The following CLCN7 variants were observed in gnomAD, a reference collection of about 807,000 sequenced individuals.
The protein encoded by CLCN7 is H(+)/Cl(-) exchange transporter 7.
Under a neutral mutation model 102.1 loss-of-function variants are expected in CLCN7, and 60 were observed. That is an observed-to-expected ratio of 0.59 (90% CI 0.48 to 0.73). CLCN7 has a LOEUF of 0.73. CLCN7 is among the 30% of genes least tolerant of loss of function. The probability of loss-of-function intolerance (pLI) is 0.00; values close to 1 mark genes in which losing one functional copy is unlikely to be tolerated. For missense variants in CLCN7, 962 were observed against 1,125.7 expected (o/e 0.85, Z 2.08); for synonymous variants, 560 against 490.5 (o/e 1.14, Z -1.87).
At chr16:1,464,048 C>A (rs2038972844) in intron 2 of CLCN7, among the ~76,000 whole-genome samples, 1 of 152,074 alleles carries the variant, frequency 6.6e-6, no homozygotes, top group Non-Finnish European at 1.5e-5. Context: ...GGATTACAGG[C>A]ACGAATCACC....
At chr16:1,449,573 G>A (rs2038709925) in intron 17 of CLCN7, 2 of 589,626 alleles carry the variant, frequency 3.4e-6, no homozygotes, top group Non-Finnish European at 6.1e-6. Context: ...GATGCAGAGG[G>A]CACAGTCACC....
chr16:1,457,879 G>T lies in CLCN7; in HGVS notation c.676-123C>A, dbSNP rs188506937. The T allele has an allele frequency of 4.2e-6, 4 of 944,126 alleles. No individual in the cohort carries two copies. The highest frequency in any genetic ancestry group is 5.0e-6 in the Non-Finnish European group (3 of 598,348). The allele number at this position is 944,126 out of a possible 1,614,324, so 58.5% of individuals were successfully genotyped here. A position where few individuals can be genotyped will look rare whatever the true frequency, so the allele number is the denominator to read the frequency against. The stretch of plus-strand genomic sequence containing the variant: ...TGGCTGGGACACGGGGCCTCCGGGA[G>T]GGGGCCAGCACCCCCAGGCTGGGTC... On this transcript the variant is annotated intron_variant, in intron 7 of 24. Transcript: ENST00000382745. This position sits in a 1 kb window ranked among gnomAD's most constrained non-coding sequence, Gnocchi z 5.4.
rs760518241 is a variant in CLCN7 at position 1,465,249 on chromosome 16, G to A, written c.213+18C>T. On this transcript the variant is annotated intron_variant, in intron 2 of 24. Transcript: ENST00000382745. ...TGCAGCTAGCTCTGCGGGAGGACGG[G>A]GAACACCCCCAACTCACCGGGTCCA... is the stretch of plus-strand genomic sequence containing the variant. The A allele has an allele frequency of 2.7e-5, 44 of 1,611,072 alleles. No individual in the cohort carries two copies. In the East Asian group the frequency reaches 7.4e-4, roughly 27 times the overall value.
intron 17 of CLCN7, chr16:1,449,709 A>C: frequency 3.4e-6 from 1 of 293,166 alleles, no homozygotes; most frequent in Non-Finnish European, 6.5e-6. Context: ...AGGCTGCAGA[A>C]AGCGGGGCAC....
chr16:1,459,221 G>C, intron 6 of CLCN7, 34 bp from the exon 7 acceptor site: 1 of 1,592,798 alleles, frequency 6.3e-7, no homozygotes, highest in Non-Finnish European at 8.6e-7. Context: ...AGTGGGTCAC[G>C]GCCAGGCTGA....
rs2038858296 is a variant in CLCN7 at position 1,457,684 on chromosome 16, A to G, written c.738+10T>C. ...GGCTCCAGCTGGAGTGGCCATGTGCACTTTGTTACCTTTCCCACGGCCAGG... is the reference window on the plus strand; with the variant it reads ...GGCTCCAGCTGGAGTGGCCATGTGCGCTTTGTTACCTTTCCCACGGCCAGG... On this transcript the variant is annotated intron_variant, in intron 8 of 24. Transcript: ENST00000382745. The surrounding 1 kb of genome is among the most constrained non-coding windows in gnomAD (Gnocchi z 5.4). 1 of 1,613,500 alleles carries G rather than the reference A, an allele frequency of 6.2e-7. No homozygotes were observed. The highest frequency in any genetic ancestry group is 8.5e-7 in the Non-Finnish European group (1 of 1,179,970).
At chr16:1,461,283 A>T (rs2038931581) in intron 4 of CLCN7, 122 bp downstream of exon 4, 8 of 883,038 alleles carry the variant, frequency 9.1e-6, no homozygotes, top group Non-Finnish European at 1.4e-5. Context: ...CAGGCCTCAG[A>T]GGCGGAGTCA....
chr16:1,461,346 GC>G (rs1378040141), intron 4 of CLCN7, 58 bp downstream of exon 4: 3 of 1,448,086 alleles, frequency 2.1e-6, no homozygotes, highest in Non-Finnish European at 2.8e-6. Context: ...GCAGCCCCAG[GC>G]CCGGCCGGCA....
At position 1,446,725 on chromosome 16, in the gene CLCN7, A is replaced by G. The variant is rs754977670; in HGVS notation, c.2332-8T>C. On this transcript the variant is annotated splice_region_variant and splice_polypyrimidine_tract_variant and intron_variant, in intron 24 of 24. Coordinates refer to ENST00000382745, the MANE Select transcript of CLCN7 (RefSeq NM_001287.6). ...GGTCACCAACCCGACAACCTGCAGG[A>G]CAAGTCCAGGCCACAGTGACACACG... The G allele has an allele frequency of 4.2e-5, 66 of 1,575,686 alleles. No individual in the cohort carries two copies. The Middle Eastern group carries it at 5.0e-4, about 12-fold the overall frequency.
Position 1,457,310 on chromosome 16 carries a change from C to T in CLCN7, c.766G>A (p.Val256Met), listed in dbSNP as rs200451681. 3 of 1,614,022 alleles carry T rather than the reference C, an allele frequency of 1.9e-6. No individual in the cohort carries two copies. The highest frequency in any genetic ancestry group is 2.2e-5 in the East Asian group (1 of 44,876). The change falls in exon 9 of 25, where the codon GTG becomes ATG. Residue 256 changes from valine (V) to methionine (M), a missense_variant. Transcript: ENST00000382745. The surrounding 1 kb of genome is among the most constrained non-coding windows in gnomAD (Gnocchi z 5.4). ...CCCTGAGAGATCCCGGCGGCAATCA[C>T]TGAACCTGAGTGGATCATCGGCCCT... ...KEGPMIHSGS[V>M]IAAGISQGRS... is the part of the protein sequence containing the mutation.
intron 1 of CLCN7, 146 bp from the exon 2 acceptor site, chr16:1,465,484 G>C: frequency 1.3e-6 from 1 of 748,782 alleles, no homozygotes; most frequent in Admixed American, 2.0e-5. Flanking sequence ...TGCTGGGTGG[G>C]GGCAGCAGGG....
intron 1 of CLCN7, among the ~76,000 whole-genome samples, chr16:1,472,244 A>ATT (rs1384376106): frequency 3.9e-5 from 6 of 152,134 alleles, no homozygotes; most frequent in African/African-American, 1.4e-4. Context: ...TAGTTTTTTT[A>ATT]TTTTTATTTT....
chr16:1,472,262 G>C (rs1019187391), intron 1 of CLCN7, among the ~76,000 whole-genome samples: 2 of 152,180 alleles, frequency 1.3e-5, no homozygotes, highest in African/African-American at 4.8e-5. Flanking sequence ...TTTTGAGATG[G>C]AGTTTTGTTC....
rs549659426 is a variant in CLCN7, at chr16:1,457,773, C to T, written c.676-17G>A. 3.2e-5 allele frequency: 51 copies of T among 1,612,872 alleles called. No homozygotes were observed. In the East Asian group the frequency reaches 3.8e-4, roughly 12 times the overall value. ...CACCAACGTCTGAAACACAGGGAGA[C>T]GCATGGCCTCTGATGAAAAGGCAGG... is the stretch of plus-strand genomic sequence containing the variant. On this transcript the variant is annotated splice_polypyrimidine_tract_variant and intron_variant, in intron 7 of 24. Transcript: ENST00000382745. This position sits in a 1 kb window ranked among gnomAD's most constrained non-coding sequence, Gnocchi z 5.4.
chr16:1,469,471 A>C (rs562300248), intron 1 of CLCN7, among the ~76,000 whole-genome samples: 15 of 152,162 alleles, frequency 9.9e-5, no homozygotes, highest in Middle Eastern at 3.4e-3. Flanking sequence ...TGATCACTTG[A>C]GGTCAGGAGT....
In CLCN7 at chr16:1,459,381, G is replaced by A. The variant is rs77651628; in HGVS notation, c.595-194C>T. On this transcript the variant is annotated intron_variant, in intron 6 of 24. Transcript: ENST00000382745. Reference sequence around the variant, plus strand: ...CACACGTCAGGGCCCCAGGGAAGGGGAGAGCAGCGCACACGTCGGGGCCCC... The same window carrying A: ...CACACGTCAGGGCCCCAGGGAAGGGAAGAGCAGCGCACACGTCGGGGCCCC... The A allele has an allele frequency of 1.6e-3, 803 of 486,992 alleles. 26 individuals carry two copies. Among genetic ancestry groups the A allele is most frequent in the Non-Finnish European group, 2.3e-3 (626 of 266,388 alleles). 30.2% of individuals were successfully genotyped at this position (486,992 alleles called of 1,614,324 possible).
intron 17 of CLCN7, chr16:1,449,860 C>G (rs1476270909): frequency 1.1e-5 from 2 of 183,426 alleles, no homozygotes; most frequent in Admixed American, 1.1e-4. Flanking sequence ...GTATTTGAAT[C>G]ATGTTTCAAT....
chr16:1,447,235 A>C, intron 23 of CLCN7, 149 bp from the exon 24 acceptor site: 1 of 1,137,902 alleles, frequency 8.8e-7, no homozygotes, highest in Non-Finnish European at 1.3e-6. Context: ...CAGCCCCTTG[A>C]CTTCAGCTCT....
rs1293222936 is a variant in CLCN7 at position 1,450,810 on chromosome 16, C to T, written c.1448-144G>A. On this transcript the variant is annotated intron_variant, in intron 16 of 24. Coordinates refer to ENST00000382745, the MANE Select transcript of CLCN7 (RefSeq NM_001287.6). ...CCCGAGCCCAGCGGTCCCCAGAAGGCTCCCTGTTCTCAGCCTCCCTGGGAA... is the reference window on the plus strand; with the variant it reads ...CCCGAGCCCAGCGGTCCCCAGAAGGTTCCCTGTTCTCAGCCTCCCTGGGAA... The T allele has an allele frequency of 7.0e-6, 5 of 710,754 alleles. No individual in the cohort carries two copies. In the East Asian group the frequency reaches 1.4e-4, roughly 19 times the overall value. The allele number at this position is 710,754 out of a possible 1,614,324, so 44.0% of individuals were successfully genotyped here. A position where few individuals can be genotyped will look rare whatever the true frequency, so the allele number is the denominator to read the frequency against.
Sources: allele counts gnomAD v4.1 joint callset (sites outside exome capture counted in the v4.1 genomes callset), GRCh38; gene constraint gnomAD v4.1.1; non-coding constraint Gnocchi (gnomAD v3.1); transcripts MANE v1.5; gene names NCBI Gene and HGNC (gene_info 2026-07-23, HGNC 2026-07-21).